The following DCBLD2 variants were observed in gnomAD, a reference collection of about 807,000 sequenced individuals.
DCBLD2 encodes discoidin, CUB and LCCL domain-containing protein 2.
DCBLD2 carries 54 observed loss-of-function variants against 86.8 expected under a neutral mutation model. The ratio of observed to expected loss-of-function variants is 0.62; its 90% confidence interval spans 0.50 to 0.78. DCBLD2 has a LOEUF of 0.78. DCBLD2 is among the 30% of genes least tolerant of loss of function. The pLI is 0.00. For synonymous variants in DCBLD2, 354 were observed against 341.3 expected (o/e 1.04, Z -0.41); for missense variants, 908 against 954.2 (o/e 0.95, Z 0.64).
At chr3:98,860,718 A>C (rs1444423567) in intron 2 of DCBLD2, among the ~76,000 whole-genome samples, 2 of 152,208 alleles carry the variant, frequency 1.3e-5, no homozygotes, top group African/African-American at 2.4e-5. Flanking sequence ...AGAGCTCCTA[A>C]AGGAAGCACT....
At chr3:98,841,579 G>A (rs1250865371) in intron 3 of DCBLD2, among the ~76,000 whole-genome samples, 1 of 152,178 alleles carries the variant, frequency 6.6e-6, no homozygotes, top group African/African-American at 2.4e-5. Flanking sequence ...GGCTATTTCT[G>A]AGATTGTAGG....
Position 98,901,417 on chromosome 3 carries a change from G to A in DCBLD2, c.-91C>T. 1 of 1,225,922 alleles carries A rather than the reference G, an allele frequency of 8.2e-7. No individual in the cohort carries two copies. Among genetic ancestry groups the A allele is most frequent in the Non-Finnish European group, 1.0e-6 (1 of 979,148 alleles). The allele number at this position is 1,225,922 out of a possible 1,614,324, so 75.9% of individuals were successfully genotyped here. The stretch of plus-strand genomic sequence containing the variant: ...GGCACCCGACCAGGAGACGGCGGCA[G>A]CGGCGGGAGAACAAGAGGCAGCCCT... On this transcript the variant is annotated 5_prime_UTR_variant, in exon 1 of 16. Transcript: ENST00000326840.
intron 2 of DCBLD2, among the ~76,000 whole-genome samples, chr3:98,856,370 T>A (rs1942931568): frequency 6.6e-6 from 1 of 151,824 alleles, no homozygotes; most frequent in South Asian, 2.1e-4. Flanking sequence ...ATGGTCTCTC[T>A]CAGAAGAAAA....
intron 3 of DCBLD2, among the ~76,000 whole-genome samples, chr3:98,828,919 TA>T (rs1188394345): frequency 6.6e-6 from 1 of 152,178 alleles, no homozygotes; most frequent in Non-Finnish European, 1.5e-5. Flanking sequence ...AAAGACCACA[TA>T]CTATGTGATA....
intron 2 of DCBLD2, among the ~76,000 whole-genome samples, chr3:98,865,565 A>T (rs1194849766): frequency 1.3e-5 from 2 of 152,190 alleles, no homozygotes; most frequent in Admixed American, 6.5e-5. Context: ...TTGTATAGTT[A>T]AAAATTGCTA....
intron 1 of DCBLD2, among the ~76,000 whole-genome samples, chr3:98,898,009 T>G (rs968516691): frequency 1.3e-5 from 2 of 152,086 alleles, no homozygotes; most frequent in Non-Finnish European, 2.9e-5. Context: ...AATTTAATTT[T>G]TTTGAGAGGT....
chr3:98,801,128 AG>A (rs889682329), intron 14 of DCBLD2, among the ~76,000 whole-genome samples: 2 of 152,184 alleles, frequency 1.3e-5, no homozygotes, highest in African/African-American at 2.4e-5. Flanking sequence ...AGAAACTGGT[AG>A]GGGGGCCCCT....
intron 4 of DCBLD2, among the ~76,000 whole-genome samples, chr3:98,824,268 A>C (rs1290154858): frequency 1.3e-5 from 2 of 152,012 alleles, no homozygotes; most frequent in Admixed American, 1.3e-4. Flanking sequence ...CCTGGGAAGA[A>C]AAGAGATAGC....
At chr3:98,844,062 A>ACACACACACCCC (rs1459005169) in intron 3 of DCBLD2, among the ~76,000 whole-genome samples, 2 of 144,016 alleles carry the variant, frequency 1.4e-5, no homozygotes, top group African/African-American at 5.2e-5. Flanking sequence ...ACACACACAC[A>ACACACACACCCC]CCCCAATTAT....
chr3:98,889,514 T>C (rs1324615125), intron 1 of DCBLD2, among the ~76,000 whole-genome samples: 1 of 152,026 alleles, frequency 6.6e-6, no homozygotes, highest in Non-Finnish European at 1.5e-5. Context: ...GCAAAATAAT[T>C]ACCACCTGCT....
At chr3:98,896,642 A>T (rs1419349560) in intron 1 of DCBLD2, among the ~76,000 whole-genome samples, 1 of 152,236 alleles carries the variant, frequency 6.6e-6, no homozygotes, top group Non-Finnish European at 1.5e-5. Context: ...AGAAGACAGA[A>T]ATGTGGATAA....
At chr3:98,824,247 T>C (rs1942174781) in intron 4 of DCBLD2, among the ~76,000 whole-genome samples, 1 of 152,154 alleles carries the variant, frequency 6.6e-6, no homozygotes. Context: ...TTAAAAAAGA[T>C]TATTCTGGCT....
chr3:98,838,501 GA>G, intron 3 of DCBLD2, among the ~76,000 whole-genome samples: 1 of 147,126 alleles, frequency 6.8e-6, no homozygotes. Context: ...CAGCTGGGAA[GA>G]GGCGCTCCTC....
chr3:98,884,451 C>T (rs1466615454), intron 1 of DCBLD2, among the ~76,000 whole-genome samples: 1 of 149,802 alleles, frequency 6.7e-6, no homozygotes, highest in Non-Finnish European at 1.5e-5. Context: ...ATGAAAATAC[C>T]TTGAATATCT....
At chr3:98,845,484 C>T (rs749384785) in intron 3 of DCBLD2, among the ~76,000 whole-genome samples, 4 of 152,154 alleles carry the variant, frequency 2.6e-5, no homozygotes, top group African/African-American at 7.2e-5. Context: ...ACATTTATAA[C>T]GAGACCTCTT....
At position 98,819,320 on chromosome 3, in the gene DCBLD2, C is replaced by A. The variant is rs970828443; in HGVS notation, c.969G>T (p.Glu323Asp). The A allele has an allele frequency of 6.2e-7, 1 of 1,613,834 alleles. No individual in the cohort carries two copies. The highest frequency in any genetic ancestry group is 8.5e-7 in the Non-Finnish European group (1 of 1,179,810). The change falls in exon 8 of 16, where the codon GAG (glutamate) becomes GAT (aspartate). Residue 323 changes from glutamate to aspartate, a missense_variant. Physicochemically the swap from Glu to Asp is conservative, Grantham distance 45. Transcript: ENST00000326840. ...VLEWTDHTGQ[E>D]NSWKPKKARL... The stretch of plus-strand genomic sequence containing the variant: ...TGGCTTTTTTGGGTTTCCAACTGTT[C>A]TCTTGCCCTGTGTGGTCAGTCCACT...
rs780798187 is a variant in DCBLD2 at position 98,901,213 on chromosome 3, G to C, written c.114C>G (p.Pro38=). ...AALPLSRSLP[P]CSNSSSFSMP... The stretch of plus-strand genomic sequence containing the variant: ...TGGAGAAGGAGGAGGAGTTGGAGCA[G>C]GGAGGGAGGGAGCGGGAGAGGGGGA... The change falls in exon 1 of 16, where the codon CCC becomes CCG. Residue 38 remains proline (P), a synonymous_variant. Transcript: ENST00000326840. 93 of 1,535,142 alleles carry C rather than the reference G, an allele frequency of 6.1e-5. No homozygotes were observed. The highest frequency in any genetic ancestry group is 7.4e-5 in the Non-Finnish European group (85 of 1,146,062).
At chr3:98,854,037 A>T (rs1250275697) in intron 2 of DCBLD2, among the ~76,000 whole-genome samples, 1 of 152,178 alleles carries the variant, frequency 6.6e-6, no homozygotes, top group Non-Finnish European at 1.5e-5. Context: ...TCAAAAACAA[A>T]ATTTGGAATT....
At chr3:98,873,120 T>C (rs1355518705) in intron 2 of DCBLD2, among the ~76,000 whole-genome samples, 1 of 151,990 alleles carries the variant, frequency 6.6e-6, no homozygotes. Context: ...AAGTAATATA[T>C]GATGGGTAGG....
Sources: allele counts gnomAD v4.1 joint callset (sites outside exome capture counted in the v4.1 genomes callset), GRCh38; gene constraint gnomAD v4.1.1; transcripts MANE v1.5; gene names NCBI Gene and HGNC (gene_info 2026-07-23, HGNC 2026-07-21).